Variants in RALGAPA1 observed in about 807,000 individuals in gnomAD.
The protein encoded by RALGAPA1 is Ral GTPase activating protein catalytic subunit alpha 1.
A neutral mutation model predicts 269.6 loss-of-function variants in RALGAPA1; 52 were observed. The observed-to-expected ratio is 0.19, with a 90% CI of 0.15 to 0.24. The LOEUF is 0.24. Among genes scored for constraint, RALGAPA1 ranks in the 10% least tolerant of loss-of-function variants. The probability of loss-of-function intolerance (pLI) is 1.00; values close to 1 mark genes in which losing one functional copy is unlikely to be tolerated. For missense variants in RALGAPA1, 1,917 were observed against 3,013.9 expected (o/e 0.64, Z 8.52); for synonymous variants, 817 against 1,008.3 (o/e 0.81, Z 3.60).
intron 21 of RALGAPA1, among the ~76,000 whole-genome samples, chr14:35,680,975 G>A (rs2065387773): frequency 6.6e-6 from 1 of 151,978 alleles, no homozygotes; most frequent in Non-Finnish European, 1.5e-5. Context: ...CTCTTGAACG[G>A]TTTTTTTAAA....
intron 16 of RALGAPA1, among the ~76,000 whole-genome samples, chr14:35,717,494 T>A (rs1412981450): frequency 6.6e-6 from 1 of 152,134 alleles, no homozygotes; most frequent in Non-Finnish European, 1.5e-5. Context: ...AAATGTATAT[T>A]CATCTTCAGG....
intron 39 of RALGAPA1, among the ~76,000 whole-genome samples, chr14:35,565,228 A>G (rs1487753710): frequency 6.6e-6 from 1 of 151,538 alleles, no homozygotes; most frequent in Non-Finnish European, 1.5e-5. Context: ...AAGAAAAGAA[A>G]AACAGGATAT....
At chr14:35,625,555 C>T (rs2060941755) in intron 34 of RALGAPA1, 123 bp from the exon 35 acceptor site, 1 of 622,350 alleles carries the variant, frequency 1.6e-6, no homozygotes, top group African/African-American at 1.9e-5. Context: ...ATACTTCTAA[C>T]ACAAAGGAGA....
At chr14:35,772,479 T>C (rs2074708589) in intron 3 of RALGAPA1, among the ~76,000 whole-genome samples, 1 of 152,216 alleles carries the variant, frequency 6.6e-6, no homozygotes, top group South Asian at 2.1e-4. Context: ...TCCCTTAATA[T>C]TATACCTGTT....
At chr14:35,613,732 C>A (rs1453426727) in intron 35 of RALGAPA1, among the ~76,000 whole-genome samples, 1 of 152,194 alleles carries the variant, frequency 6.6e-6, no homozygotes, top group African/African-American at 2.4e-5. Context: ...CACAAGTAAT[C>A]AGATTTAGGG....
Position 35,614,931 on chromosome 14 carries a change from G to GA in RALGAPA1, c.6930-9223dup, listed in dbSNP as rs1432999431. Among the ~76,000 whole-genome samples the GA allele has an allele frequency of 4.6e-5, 7 of 151,940 alleles. No homozygotes were observed. The South Asian group carries it at 1.0e-3, about 23-fold the overall frequency. ...TGAGAGAAGTATATGTGCCATATAG[G>GA]AAAAAAACAGAAAATAAATCTTTAA... On this transcript the variant is annotated intron_variant, in intron 35 of 41. Coordinates refer to ENST00000680220, the MANE Select transcript of RALGAPA1 (RefSeq NM_001346249.2).
chr14:35,604,241 C>T (rs761644155), intron 36 of RALGAPA1, among the ~76,000 whole-genome samples: 15 of 151,926 alleles, frequency 9.9e-5, no homozygotes, highest in Non-Finnish European at 1.5e-4. Flanking sequence ...CACTCAATAA[C>T]GACAGAGTAT....
intron 16 of RALGAPA1, among the ~76,000 whole-genome samples, chr14:35,703,678 A>C (rs1224955619): frequency 6.6e-6 from 1 of 151,778 alleles, no homozygotes; most frequent in Admixed American, 6.6e-5. Context: ...TTACTAACCT[A>C]AACACTTAGT....
intron 2 of RALGAPA1, 121 bp from the exon 3 acceptor site, chr14:35,775,176 C>T: frequency 1.6e-6 from 1 of 634,184 alleles, no homozygotes; most frequent in Non-Finnish European, 2.8e-6. Context: ...ATGTTTAAAG[C>T]ATATTCCATT....
intron 32 of RALGAPA1, among the ~76,000 whole-genome samples, 169 bp from the exon 33 acceptor site, chr14:35,634,926 T>C (rs1453537041): frequency 6.6e-6 from 1 of 152,084 alleles, no homozygotes; most frequent in Non-Finnish European, 1.5e-5. Context: ...CAGCAGGGAT[T>C]ACAGGGAGGC....
At chr14:35,686,001 A>G (rs1406522880) in intron 19 of RALGAPA1, among the ~76,000 whole-genome samples, 1 of 152,168 alleles carries the variant, frequency 6.6e-6, no homozygotes, top group Non-Finnish European at 1.5e-5. Context: ...CAAGATAAAG[A>G]TAACTTTTAA....
At position 35,773,602 on chromosome 14, in the gene RALGAPA1, T is replaced by C. The variant is rs1225902761; in HGVS notation, c.267+1404A>G. Among the ~76,000 whole-genome samples, 5 of 152,282 alleles carry C rather than the reference T, an allele frequency of 3.3e-5. No individual in the cohort carries two copies. The South Asian group carries it at 1.0e-3, about 32-fold the overall frequency. ...AGGCAAGCGTAAACATTTGAAGGAA[T>C]ACTTTCCAAGAATCATTAGCTTGCT... On this transcript the variant is annotated intron_variant, in intron 3 of 41. Transcript: ENST00000680220.
At chr14:35,618,527 A>G (rs1296991037) in intron 35 of RALGAPA1, among the ~76,000 whole-genome samples, 2 of 152,158 alleles carry the variant, frequency 1.3e-5, no homozygotes, top group Non-Finnish European at 2.9e-5. Flanking sequence ...ATGAAACAGA[A>G]GAGTTGTTTT....
chr14:35,647,082 T>C (rs1320843571), intron 31 of RALGAPA1, among the ~76,000 whole-genome samples: 1 of 152,194 alleles, frequency 6.6e-6, no homozygotes, highest in African/African-American at 2.4e-5. Context: ...AGTAACAATT[T>C]TGTGACCTTG....
intron 7 of RALGAPA1, among the ~76,000 whole-genome samples, chr14:35,754,167 A>G (rs1244108722): frequency 1.3e-5 from 2 of 152,218 alleles, no homozygotes. Flanking sequence ...ACGTAGGAGA[A>G]TATCTTTGTG....
chr14:35,662,819 G>A lies in RALGAPA1; in HGVS notation c.5328+1823C>T, dbSNP rs576771036. ...ACAAAACAAAACAAAAAAAGCCATA[G>A]CTATTACATCTTTGAAGGGCAAGGG... On this transcript the variant is annotated intron_variant, in intron 27 of 41. Coordinates refer to ENST00000680220, the MANE Select transcript of RALGAPA1 (RefSeq NM_001346249.2). Among the ~76,000 whole-genome samples the A allele has an allele frequency of 3.9e-5, 6 of 152,120 alleles. No individual in the cohort carries two copies. In the East Asian group the frequency reaches 1.2e-3, roughly 29 times the overall value.
chr14:35,757,548 C>T (rs1198868628), intron 6 of RALGAPA1, among the ~76,000 whole-genome samples: 2 of 152,138 alleles, frequency 1.3e-5, no homozygotes, highest in African/African-American at 4.8e-5. Flanking sequence ...CTGGTAATTT[C>T]AAATTCACAT....
chr14:35,560,032 C>T (rs1411209204), intron 39 of RALGAPA1, among the ~76,000 whole-genome samples: 1 of 152,114 alleles, frequency 6.6e-6, no homozygotes, highest in African/African-American at 2.4e-5. Context: ...GCAATTATTG[C>T]TCAACTAATT....
intron 6 of RALGAPA1, among the ~76,000 whole-genome samples, chr14:35,759,592 T>TAA (rs57642499): frequency 2.0e-3 from 257 of 130,752 alleles, no homozygotes; most frequent in Middle Eastern, 7.9e-3. Flanking sequence ...ATTAAAGAAG[T>TAA]AAAAAAAAAA....
Sources: gnomAD v4.1 joint callset for allele counts (sites outside exome capture counted in the v4.1 genomes callset) on GRCh38, gnomAD v4.1.1 for gene constraint, MANE v1.5 for transcripts, NCBI Gene and HGNC (gene_info 2026-07-23, HGNC 2026-07-21) for gene names.